ANTXR2: variants seen among roughly 807,000 people sequenced by gnomAD.
The protein encoded by ANTXR2 is ANTXR cell adhesion molecule 2.
ANTXR2 carries 44 observed loss-of-function variants against 73.7 expected under a neutral mutation model. The ratio of observed to expected loss-of-function variants is 0.60; its 90% CI spans 0.47 to 0.77. ANTXR2 has a LOEUF of 0.77. Among genes scored for constraint, ANTXR2 ranks in the 30% least tolerant of loss-of-function variants. The pLI is 0.00. For missense variants in ANTXR2, 604 were observed against 592.5 expected, an observed-to-expected ratio of 1.02 and a Z score of -0.20; for synonymous variants, 217 against 205.9, an observed-to-expected ratio of 1.05 and a Z score of -0.46.
intron 16 of ANTXR2, among the ~76,000 whole-genome samples, chr4:79,928,944 C>T (rs990984858): frequency 2.0e-5 from 3 of 152,130 alleles, no homozygotes; most frequent in Non-Finnish European, 4.4e-5. Flanking sequence ...CATCATTATC[C>T]TAATCCCAAG....
intron 7 of ANTXR2, among the ~76,000 whole-genome samples, chr4:80,047,016 A>G (rs935388800): frequency 6.6e-6 from 1 of 151,806 alleles, no homozygotes; most frequent in African/African-American, 2.4e-5. Flanking sequence ...AGAGCAGGTA[A>G]GCCTCTGTAG....
intron 16 of ANTXR2, among the ~76,000 whole-genome samples, chr4:79,960,258 A>T: frequency 6.6e-6 from 1 of 152,026 alleles, no homozygotes; most frequent in East Asian, 1.9e-4. Context: ...AAATTAGAAA[A>T]CTCTAATATG....
chr4:79,998,137 C>A (rs903005621), intron 12 of ANTXR2, among the ~76,000 whole-genome samples: 1 of 151,910 alleles, frequency 6.6e-6, no homozygotes, highest in Admixed American at 6.6e-5. Flanking sequence ...TGCTGGCTAA[C>A]AAAATGATTC....
intron 16 of ANTXR2, among the ~76,000 whole-genome samples, chr4:79,954,547 CT>C (rs2109986801): frequency 6.6e-6 from 1 of 152,212 alleles, no homozygotes; most frequent in East Asian, 1.9e-4. Flanking sequence ...GAGTTCAAGG[CT>C]GCAATGAGCC....
intron 10 of ANTXR2, among the ~76,000 whole-genome samples, chr4:80,021,675 T>C (rs1454118641): frequency 6.6e-6 from 1 of 152,156 alleles, no homozygotes; most frequent in Non-Finnish European, 1.5e-5. Context: ...TACTCTTTCC[T>C]ATGGTAGAAA....
chr4:80,035,890 C>A, intron 8 of ANTXR2, 82 bp downstream of exon 8: 1 of 1,184,978 alleles, frequency 8.4e-7, no homozygotes, highest in Non-Finnish European at 1.2e-6. Flanking sequence ...ATTCTTTTTC[C>A]AACATGAGTT....
chr4:80,048,211 T>A (rs1733612386), intron 7 of ANTXR2, among the ~76,000 whole-genome samples: 1 of 150,358 alleles, frequency 6.7e-6, no homozygotes, highest in African/African-American at 2.4e-5. Context: ...TTACTTATAA[T>A]TCAGAAATAT....
intron 10 of ANTXR2, among the ~76,000 whole-genome samples, chr4:80,020,755 C>T (rs891389532): frequency 2.0e-5 from 3 of 152,132 alleles, no homozygotes; most frequent in Non-Finnish European, 4.4e-5. Context: ...AAGAAAGCTA[C>T]TGGGAAGGAT....
chr4:80,015,251 G>T (rs1355791698), intron 11 of ANTXR2, among the ~76,000 whole-genome samples: 1 of 152,004 alleles, frequency 6.6e-6, no homozygotes, highest in Non-Finnish European at 1.5e-5. Flanking sequence ...TTTACCTCTC[G>T]CTTTGGATGT....
chr4:79,987,542 G>T (rs1462045148), intron 12 of ANTXR2, among the ~76,000 whole-genome samples: 2 of 152,078 alleles, frequency 1.3e-5, no homozygotes, highest in Non-Finnish European at 2.9e-5. Flanking sequence ...CAAGCAACTT[G>T]GAAAACATAT....
chr4:79,925,631 T>C (rs1038396457), intron 16 of ANTXR2, among the ~76,000 whole-genome samples: 1 of 152,120 alleles, frequency 6.6e-6, no homozygotes, highest in Non-Finnish European at 1.5e-5. Context: ...TTATTTCCAG[T>C]TTTTAAAAGA....
intron 7 of ANTXR2, among the ~76,000 whole-genome samples, chr4:80,049,747 C>T (rs1292488708): frequency 6.6e-6 from 1 of 151,794 alleles, no homozygotes; most frequent in Non-Finnish European, 1.5e-5. Flanking sequence ...TTTGACTCCT[C>T]TCTCTGTCTC....
intron 10 of ANTXR2, among the ~76,000 whole-genome samples, chr4:80,026,096 A>T (rs1226808709): frequency 6.6e-6 from 1 of 152,138 alleles, no homozygotes; most frequent in Non-Finnish European, 1.5e-5. Context: ...AGTCTTAGTG[A>T]TATGGTTTTG....
At chr4:80,061,246 G>A (rs1734236496) in intron 3 of ANTXR2, among the ~76,000 whole-genome samples, 3 of 151,610 alleles carry the variant, frequency 2.0e-5, no homozygotes, top group African/African-American at 4.8e-5. Flanking sequence ...CGTAGGCCTA[G>A]ACCCAGATTT....
intron 10 of ANTXR2, among the ~76,000 whole-genome samples, chr4:80,023,537 G>T (rs770047044): frequency 6.6e-6 from 1 of 152,196 alleles, no homozygotes; most frequent in African/African-American, 2.4e-5. Flanking sequence ...AATTACAAAA[G>T]AATGCGATAT....
intron 7 of ANTXR2, among the ~76,000 whole-genome samples, chr4:80,038,661 A>T (rs1361446155): frequency 6.6e-6 from 1 of 152,066 alleles, no homozygotes; most frequent in Non-Finnish European, 1.5e-5. Context: ...CATTAATTCA[A>T]TATTCATAAT....
intron 16 of ANTXR2, among the ~76,000 whole-genome samples, chr4:79,919,013 G>A (rs1339891179): frequency 1.3e-5 from 2 of 152,074 alleles, no homozygotes; most frequent in East Asian, 3.9e-4. Flanking sequence ...GTTATTTCCT[G>A]AGCAAGCAAT....
At chr4:80,030,690 G>A (rs372815654) in intron 10 of ANTXR2, among the ~76,000 whole-genome samples, 6 of 152,030 alleles carry the variant, frequency 3.9e-5, no homozygotes, top group African/African-American at 9.7e-5. Context: ...ATCCACAAAA[G>A]ATAAATGTTC....
intron 3 of ANTXR2, among the ~76,000 whole-genome samples, chr4:80,064,218 A>C (rs1734392376): frequency 6.6e-6 from 1 of 152,204 alleles, no homozygotes; most frequent in South Asian, 2.1e-4. Flanking sequence ...GCTCAGGTCA[A>C]ACAATTATAA....
Sources: allele counts gnomAD v4.1 joint callset (sites outside exome capture counted in the v4.1 genomes callset), GRCh38; gene constraint gnomAD v4.1.1; transcripts MANE v1.5; gene names NCBI Gene and HGNC (gene_info 2026-07-23, HGNC 2026-07-21).